FGD4: variants seen among roughly 807,000 people sequenced by gnomAD.
The protein encoded by FGD4 is FYVE, RhoGEF and PH domain-containing protein 4.
FGD4 carries 42 observed loss-of-function variants against 102.0 expected under a neutral mutation model. The ratio of observed to expected loss-of-function variants is 0.41; its 90% CI spans 0.32 to 0.53. The LOEUF is 0.53. Ranked by LOEUF, FGD4 falls within the 20% of genes least tolerant of loss-of-function variation. The pLI is 0.21. For missense variants in FGD4, 902 were observed against 1,078.2 expected (o/e 0.84, Z 2.29); for synonymous variants, 380 against 375.7 (o/e 1.01, Z -0.13).
chr12:32,427,196 G>T (rs1465471801), intron 1 of FGD4, among the ~76,000 whole-genome samples: 7 of 152,070 alleles, frequency 4.6e-5, no homozygotes, highest in Admixed American at 4.6e-4. Context: ...TCTCCTGTAG[G>T]CATTTAATGC....
intron 1 of FGD4, chr12:32,534,428 G>C (rs1942065384): frequency 1.3e-6 from 2 of 1,523,462 alleles, no homozygotes; most frequent in East Asian, 4.9e-5. Flanking sequence ...AAAGAGTAAA[G>C]CCAAATATCT....
At chr12:32,630,517 C>T (rs996147363) in intron 14 of FGD4, among the ~76,000 whole-genome samples, 4 of 151,702 alleles carry the variant, frequency 2.6e-5, no homozygotes, top group African/African-American at 9.7e-5. Flanking sequence ...CTGTCTCTAC[C>T]AAAAATATAA....
chr12:32,527,674 C>G (rs1003285978), intron 1 of FGD4, among the ~76,000 whole-genome samples: 2 of 152,082 alleles, frequency 1.3e-5, no homozygotes, highest in Non-Finnish European at 2.9e-5. Context: ...GTGATCCACC[C>G]GCCTCGTCCT....
intron 1 of FGD4, among the ~76,000 whole-genome samples, chr12:32,488,339 T>C (rs1223542807): frequency 6.6e-6 from 1 of 152,162 alleles, no homozygotes; most frequent in Non-Finnish European, 1.5e-5. Context: ...AATTCTTAAG[T>C]GTGCCTTCTA....
At chr12:32,628,578 C>T (rs1241865894) in intron 14 of FGD4, among the ~76,000 whole-genome samples, 1 of 152,120 alleles carries the variant, frequency 6.6e-6, no homozygotes, top group Non-Finnish European at 1.5e-5. Flanking sequence ...ACGGGTCGAT[C>T]TCCTGAGGTC....
chr12:32,483,820 C>T (rs1291434394), intron 1 of FGD4, among the ~76,000 whole-genome samples: 1 of 152,110 alleles, frequency 6.6e-6, no homozygotes, highest in Non-Finnish European at 1.5e-5. Context: ...AGGATGATGG[C>T]TGGAATTGGT....
chr12:32,551,686 AAAGTTGCCT>A (rs1038295062), intron 1 of FGD4, among the ~76,000 whole-genome samples: 1 of 152,226 alleles, frequency 6.6e-6, no homozygotes, highest in Non-Finnish European at 1.5e-5. Flanking sequence ...GGGATCAAGG[AAAGTTGCCT>A]AAGTGTGCAT....
At chr12:32,531,491 C>A (rs763402860) in intron 1 of FGD4, among the ~76,000 whole-genome samples, 1 of 152,168 alleles carries the variant, frequency 6.6e-6, no homozygotes, top group African/African-American at 2.4e-5. Context: ...CCCTGGCAAC[C>A]TTGGATCTGT....
chr12:32,570,859 G>A (rs527340713), intron 2 of FGD4, among the ~76,000 whole-genome samples: 48 of 152,238 alleles, frequency 3.2e-4, no homozygotes, highest in African/African-American at 1.2e-3. Context: ...GGGCCTTGTA[G>A]AAGAGCCAAG....
intron 1 of FGD4, among the ~76,000 whole-genome samples, chr12:32,478,616 A>T (rs1197470696): frequency 1.3e-5 from 2 of 152,176 alleles, no homozygotes; most frequent in Non-Finnish European, 2.9e-5. Flanking sequence ...TATGATTGTG[A>T]AAATATTTGG....
intron 1 of FGD4, among the ~76,000 whole-genome samples, chr12:32,441,668 C>G (rs1187009446): frequency 1.3e-5 from 2 of 152,046 alleles, no homozygotes; most frequent in African/African-American, 4.8e-5. Flanking sequence ...TAGTTTGTAT[C>G]TTAGTATGTT....
Position 32,569,603 on chromosome 12 carries a change from T to C in FGD4, c.319+5314T>C, listed in dbSNP as rs1945474672. 2.0e-5 allele frequency among the ~76,000 whole-genome samples: 3 copies of C among 152,182 alleles called. No homozygotes were observed. The South Asian group carries it at 6.2e-4, about 32-fold the overall frequency. On this transcript the variant is annotated intron_variant, in intron 2 of 16. Transcript: ENST00000534526. ...GACTGAAATCTGCCCTCCCTTTGAC[T>C]TCCCACACCCTGGATGGTATTTATC...
rs922740788 is a variant in FGD4, at chr12:32,645,972, A to G, written c.*5439A>G. On this transcript the variant is annotated 3_prime_UTR_variant, in exon 17 of 17. Transcript: ENST00000534526. Reference sequence around the variant, plus strand: ...TGGTCATAAAAGCAGATAATTGGAAACATTGTAAAATTAAGCACTTTAATT... The same window carrying G: ...TGGTCATAAAAGCAGATAATTGGAAGCATTGTAAAATTAAGCACTTTAATT... 1 of 152,162 alleles carries G rather than the reference A, an allele frequency of 6.6e-6. No homozygotes were observed. Among genetic ancestry groups the G allele is most frequent in the African/African-American group, 2.4e-5 (1 of 41,440 alleles). The allele number at this position is 152,162 out of a possible 1,614,324, so 9.4% of individuals were successfully genotyped here.
chr12:32,601,152 C>A, intron 5 of FGD4, 126 bp from the exon 6 acceptor site: 1 of 928,308 alleles, frequency 1.1e-6, no homozygotes, highest in Non-Finnish European at 1.7e-6. Context: ...TCAAAGGATT[C>A]TCTTGAACTG....
rs193235394 is a variant in FGD4, at chr12:32,556,594, C to T, written c.167-7543C>T. 3.9e-3 allele frequency among the ~76,000 whole-genome samples: 594 copies of T among 152,232 alleles called. 7 individuals are homozygous for T. Among genetic ancestry groups the T allele is most frequent in the African/African-American group, 0.014 (565 of 41,546 alleles). ...ATTTCCTGCTGGGCGCAGTGGCTCACACCTGTAATCCCAGCACTTTGGGAG... is the reference window on the plus strand; with the variant it reads ...ATTTCCTGCTGGGCGCAGTGGCTCATACCTGTAATCCCAGCACTTTGGGAG... On this transcript the variant is annotated intron_variant, in intron 1 of 16. Coordinates refer to ENST00000534526, the MANE Select transcript of FGD4 (RefSeq NM_001370298.3).
chr12:32,507,035 C>T (rs1232163516), intron 1 of FGD4, among the ~76,000 whole-genome samples: 2 of 151,214 alleles, frequency 1.3e-5, no homozygotes, highest in East Asian at 2.0e-4. Flanking sequence ...CCCATTAACT[C>T]GTCATTTAGC....
At position 32,567,570 on chromosome 12, in the gene FGD4, A is replaced by G. The variant is rs144036070; in HGVS notation, c.319+3281A>G. Among the ~76,000 whole-genome samples, 7 of 152,238 alleles carry G rather than the reference A, an allele frequency of 4.6e-5. No homozygotes were observed. In the East Asian group the frequency reaches 1.4e-3, roughly 29 times the overall value. On this transcript the variant is annotated intron_variant, in intron 2 of 16. Transcript: ENST00000534526. ...CCACAACAAAGAATTCGTACAAACT[A>G]TAATATCAGTTGCTGCATTTGCAAA...
chr12:32,577,792 A>G (rs1428845200), intron 3 of FGD4, among the ~76,000 whole-genome samples: 1 of 152,232 alleles, frequency 6.6e-6, no homozygotes, highest in Non-Finnish European at 1.5e-5. Flanking sequence ...TGATAACAAC[A>G]GAGTGACCCC....
intron 2 of FGD4, among the ~76,000 whole-genome samples, chr12:32,565,232 G>A (rs1450190365): frequency 6.6e-6 from 1 of 152,136 alleles, no homozygotes; most frequent in Non-Finnish European, 1.5e-5. Flanking sequence ...GAAAATTTTA[G>A]AACGAGTTTA....
Sources: gnomAD v4.1 joint callset for allele counts (sites outside exome capture counted in the v4.1 genomes callset) on GRCh38, gnomAD v4.1.1 for gene constraint, MANE v1.5 for transcripts, NCBI Gene and HGNC (gene_info 2026-07-23, HGNC 2026-07-21) for gene names.